Variants in SDK1 observed in about 807,000 individuals in gnomAD.
SDK1 encodes sidekick cell adhesion molecule 1, also known as protein sidekick-1.
SDK1 carries 157 observed loss-of-function variants against 245.5 expected under a neutral mutation model. That is an observed-to-expected ratio of 0.64 (90% CI 0.56 to 0.73). The LOEUF (loss-of-function observed/expected upper bound fraction) is 0.73, where lower values mean the gene tolerates loss of function less well. Among genes scored for constraint, SDK1 ranks in the 30% least tolerant of loss-of-function variants. The pLI, the probability that SDK1 is intolerant of heterozygous loss-of-function variation, is 0.00. For missense variants in SDK1, 3,583 were observed against 3,002.3 expected, an observed-to-expected ratio of 1.19 and a Z score of -4.52; for synonymous variants, 1,647 against 1,278.5, an observed-to-expected ratio of 1.29 and a Z score of -6.15.
intron 5 of SDK1, among the ~76,000 whole-genome samples, chr7:3,876,280 A>G (rs1781075464): frequency 6.6e-6 from 1 of 152,162 alleles, no homozygotes; most frequent in East Asian, 1.9e-4. Context: ...TTTGGGCAGC[A>G]TTTTCCCCAG....
At chr7:3,723,957 G>T (rs1377666937) in intron 4 of SDK1, among the ~76,000 whole-genome samples, 19 of 148,950 alleles carry the variant, frequency 1.3e-4, no homozygotes, top group South Asian at 2.1e-4. Flanking sequence ...GAGAGAGAGA[G>T]AGAGAGAGAG....
chr7:3,546,336 G>A (rs994358458), intron 1 of SDK1, among the ~76,000 whole-genome samples: 7 of 152,290 alleles, frequency 4.6e-5, no homozygotes, highest in Admixed American at 2.0e-4. Flanking sequence ...TAGGTCTCTC[G>A]GCCCCTCTAA....
chr7:3,811,933 G>A (rs962552345), intron 4 of SDK1, among the ~76,000 whole-genome samples: 8 of 152,278 alleles, frequency 5.3e-5, no homozygotes, highest in African/African-American at 9.6e-5. Flanking sequence ...TTGGACCTGC[G>A]TGCTTTGTGG....
chr7:3,665,825 G>C (rs547139493), intron 4 of SDK1, among the ~76,000 whole-genome samples: 1 of 152,154 alleles, frequency 6.6e-6, no homozygotes, highest in Non-Finnish European at 1.5e-5. Flanking sequence ...AGTATCCAGC[G>C]TTCCTTGTGT....
intron 1 of SDK1, among the ~76,000 whole-genome samples, chr7:3,507,900 T>C (rs138377385): frequency 1.4e-4 from 21 of 152,350 alleles, no homozygotes; most frequent in African/African-American, 4.6e-4. Context: ...ACAAGTGTTA[T>C]TGATGACTCC....
chr7:3,891,593 T>C (rs1562516504), intron 5 of SDK1, among the ~76,000 whole-genome samples: 1 of 152,240 alleles, frequency 6.6e-6, no homozygotes, highest in South Asian at 2.1e-4. Context: ...TTTTCGTGCA[T>C]GTCCTCCTTT....
At chr7:3,478,105 T>TA (rs1245193322) in intron 1 of SDK1, among the ~76,000 whole-genome samples, 4 of 152,268 alleles carry the variant, frequency 2.6e-5, no homozygotes, top group Non-Finnish European at 4.4e-5. Context: ...ACTGTATCAG[T>TA]AAAAAATTAT....
At chr7:3,878,821 G>A (rs1781136172) in intron 5 of SDK1, among the ~76,000 whole-genome samples, 1 of 151,928 alleles carries the variant, frequency 6.6e-6, no homozygotes, top group Non-Finnish European at 1.5e-5. Flanking sequence ...TATCAGGGCA[G>A]CCCTGTGACA....
chr7:3,579,328 T>C (rs183583262), intron 1 of SDK1, among the ~76,000 whole-genome samples: 35 of 152,304 alleles, frequency 2.3e-4, no homozygotes, highest in African/African-American at 7.9e-4. Context: ...GACTCCACCA[T>C]GATCAGGTAG....
At chr7:3,956,159 C>A (rs1781240018) in intron 7 of SDK1, among the ~76,000 whole-genome samples, 1 of 152,152 alleles carries the variant, frequency 6.6e-6, no homozygotes, top group South Asian at 2.1e-4. Flanking sequence ...GGCAGAGTAC[C>A]CTTTCTAGAC....
chr7:3,609,010 C>G (rs971690917), intron 1 of SDK1, among the ~76,000 whole-genome samples: 2 of 152,028 alleles, frequency 1.3e-5, no homozygotes, highest in Non-Finnish European at 2.9e-5. Context: ...CTTTATTAAG[C>G]TAGACACTGG....
intron 1 of SDK1, among the ~76,000 whole-genome samples, chr7:3,546,362 T>C (rs1268152653): frequency 6.6e-6 from 1 of 152,210 alleles, no homozygotes; most frequent in African/African-American, 2.4e-5. Context: ...TGTTTCCACC[T>C]TGTGGAACGT....
intron 30 of SDK1, among the ~76,000 whole-genome samples, chr7:4,155,078 C>G (rs1388461242): frequency 6.6e-6 from 1 of 151,796 alleles, no homozygotes; most frequent in African/African-American, 2.4e-5. Flanking sequence ...GCTACCGTCT[C>G]TAGTACTGCA....
intron 1 of SDK1, among the ~76,000 whole-genome samples, chr7:3,507,682 A>T (rs1409989703): frequency 6.6e-6 from 1 of 152,090 alleles, no homozygotes; most frequent in Non-Finnish European, 1.5e-5. Flanking sequence ...GTTAGTAGCC[A>T]TTTACTGAGT....
chr7:3,551,133 T>A (rs1779394272), intron 1 of SDK1, among the ~76,000 whole-genome samples: 1 of 152,224 alleles, frequency 6.6e-6, no homozygotes, highest in Non-Finnish European at 1.5e-5. Flanking sequence ...CTTTTGTATT[T>A]TGTTTATTGT....
intron 28 of SDK1, among the ~76,000 whole-genome samples, chr7:4,134,989 C>A (rs1046722288): frequency 2.0e-5 from 3 of 152,206 alleles, no homozygotes; most frequent in African/African-American, 7.2e-5. Flanking sequence ...GGACTCACGC[C>A]GATGTCCTCT....
At chr7:3,595,179 G>A (rs1781012919) in intron 1 of SDK1, among the ~76,000 whole-genome samples, 1 of 149,412 alleles carries the variant, frequency 6.7e-6, no homozygotes, top group Non-Finnish European at 1.5e-5. Flanking sequence ...TTTTCAGCTA[G>A]CTAATTAACA....
chr7:3,545,894 T>C (rs1396842651), intron 1 of SDK1, among the ~76,000 whole-genome samples: 1 of 152,258 alleles, frequency 6.6e-6, no homozygotes. Flanking sequence ...TCTAGTTTCC[T>C]TCTTTTGAGT....
intron 1 of SDK1, among the ~76,000 whole-genome samples, chr7:3,597,129 G>A (rs149615132): frequency 5.8e-4 from 88 of 152,062 alleles, no homozygotes; most frequent in African/African-American, 1.8e-3. Flanking sequence ...AAAATTAGCC[G>A]GATGTGGTGG....
Sources: gnomAD v4.1 joint callset for allele counts (sites outside exome capture counted in the v4.1 genomes callset) on GRCh38, gnomAD v4.1.1 for gene constraint, MANE v1.5 for transcripts, NCBI Gene and HGNC (gene_info 2026-07-23, HGNC 2026-07-21) for gene names.